RASA3: variants seen among roughly 807,000 people sequenced by gnomAD.
The protein encoded by RASA3 is RAS p21 protein activator 3.
RASA3 carries 73 observed loss-of-function variants against 110.0 expected under a neutral mutation model. That is an observed-to-expected ratio of 0.66 (90% CI 0.55 to 0.81). The LOEUF (loss-of-function observed/expected upper bound fraction) is 0.81, where lower values mean the gene tolerates loss of function less well. Among genes scored for constraint, RASA3 ranks in the 30% least tolerant of loss-of-function variants. RASA3 has a pLI of 0.00. For synonymous variants in RASA3, 500 were observed against 451.4 expected (o/e 1.11, Z -1.37); for missense variants, 976 against 1,113.2 (o/e 0.88, Z 1.75).
chr13:114,051,676 G>C (rs2079149387), intron 3 of RASA3, among the ~76,000 whole-genome samples: 1 of 138,616 alleles, frequency 7.2e-6, no homozygotes, highest in Non-Finnish European at 1.6e-5. Flanking sequence ...GACTAAAGTT[G>C]GGACAGGGAC....
intron 16 of RASA3, among the ~76,000 whole-genome samples, chr13:114,010,512 C>T (rs1397287256): frequency 6.6e-6 from 1 of 151,194 alleles, no homozygotes; most frequent in East Asian, 2.0e-4. Flanking sequence ...CTGGTGGCAC[C>T]AGATCCAGTC....
At chr13:114,024,665 C>G (rs561172314) in intron 7 of RASA3, among the ~76,000 whole-genome samples, 55 of 152,382 alleles carry the variant, frequency 3.6e-4, no homozygotes, top group African/African-American at 1.2e-3. Flanking sequence ...TGTCCGTCAC[C>G]TGCGCCTGCT....
At chr13:114,129,362 A>C (rs1216864658) in intron 1 of RASA3, among the ~76,000 whole-genome samples, 1 of 152,226 alleles carries the variant, frequency 6.6e-6, no homozygotes, top group African/African-American at 2.4e-5. Context: ...AAGACTCCAA[A>C]TTGTTACCAC....
chr13:114,061,594 T>C (rs2079349958), intron 2 of RASA3, among the ~76,000 whole-genome samples: 1 of 150,298 alleles, frequency 6.7e-6, no homozygotes, highest in East Asian at 1.9e-4. Context: ...GGAGAATCAC[T>C]TGAACCTGGG....
In RASA3 at chr13:114,041,124, C is replaced by T. The variant is rs7995748; in HGVS notation, c.278-30G>A. On this transcript the variant is annotated intron_variant, in intron 3 of 23. Coordinates refer to ENST00000334062, the MANE Select transcript of RASA3 (RefSeq NM_007368.4). Reference sequence around the variant, plus strand: ...AACACAAGCAGAGAAGACTTCACCACGGGCACAGGCCCCAGAGCCAGGACG... The same window carrying T: ...AACACAAGCAGAGAAGACTTCACCATGGGCACAGGCCCCAGAGCCAGGACG... 4.3e-4 allele frequency: 678 copies of T among 1,591,986 alleles called. 2 individuals carry two copies. In the African/African-American group the frequency reaches 6.9e-3, roughly 16 times the overall value.
intron 4 of RASA3, among the ~76,000 whole-genome samples, chr13:114,030,209 A>G (rs2139387139): frequency 6.6e-6 from 1 of 152,316 alleles, no homozygotes; most frequent in African/African-American, 2.4e-5. Context: ...AGACCCCCAA[A>G]GGCTCTGATG....
chr13:114,077,968 A>G, intron 1 of RASA3: 1 of 984,720 alleles, frequency 1.0e-6, no homozygotes, highest in Non-Finnish European at 1.2e-6. Flanking sequence ...TTTTGTTTCC[A>G]ACTGTTAATA....
intron 1 of RASA3, among the ~76,000 whole-genome samples, chr13:114,080,929 G>A (rs1422894386): frequency 3.3e-5 from 5 of 151,468 alleles, no homozygotes; most frequent in Non-Finnish European, 5.9e-5. Context: ...CGTCCACCTA[G>A]AACACCAATA....
chr13:114,032,262 G>A (rs573632181), intron 4 of RASA3, among the ~76,000 whole-genome samples: 4 of 152,282 alleles, frequency 2.6e-5, no homozygotes, highest in Non-Finnish European at 5.9e-5. Context: ...CAGGGGCCAG[G>A]AGGGGTCATG....
In RASA3 at chr13:114,112,631, G is replaced by T. The variant is rs554114942; in HGVS notation, c.55+19804C>A. ...TAGGAGAGCCCCGGGTTAAGGGTTG[G>T]TAACTGGAGAATGGGGTGGGGGTAT... On this transcript the variant is annotated intron_variant, in intron 1 of 23. Coordinates refer to ENST00000334062, the MANE Select transcript of RASA3 (RefSeq NM_007368.4). The surrounding 1 kb of genome is among the most constrained non-coding windows in gnomAD (Gnocchi z 4.8). Among the ~76,000 whole-genome samples the T allele has an allele frequency of 6.6e-6, 1 of 152,102 alleles. No homozygotes were observed. Among genetic ancestry groups the T allele is most frequent in the African/African-American group, 2.4e-5 (1 of 41,526 alleles).
intron 14 of RASA3, among the ~76,000 whole-genome samples, chr13:114,013,879 T>C (rs1229779314): frequency 1.6e-5 from 1 of 63,646 alleles, no homozygotes; most frequent in African/African-American, 1.2e-4. Context: ...TCTCTCCCTA[T>C]CTCTGTCTCT....
Position 114,015,323 on chromosome 13 carries a change from G to A in RASA3, c.1291C>T (p.Arg431Trp). The A allele has an allele frequency of 3.7e-6, 6 of 1,612,876 alleles. No individual in the cohort carries two copies. Among genetic ancestry groups the A allele is most frequent in the South Asian group, 2.2e-5 (2 of 91,090 alleles). ...ENLENNMENL[R>W]QYVDRVFHAI... ...TGGAAGACGCGGTCCACATACTGCC[G>A]TAGGTTCTCCTGCAACGGGACACGG... Residue 431 changes from arginine to tryptophan, a missense_variant, in exon 14 of 24, where the codon CGG becomes TGG. By Grantham distance (101) the Arg-to-Trp change is moderately radical. Coordinates refer to ENST00000334062, the MANE Select transcript of RASA3 (RefSeq NM_007368.4).
intron 8 of RASA3, among the ~76,000 whole-genome samples, chr13:114,023,227 A>AGGGACATCCCAGGCTCG (rs536486267): frequency 2.6e-5 from 4 of 151,872 alleles, no homozygotes; most frequent in South Asian, 2.1e-4. Flanking sequence ...TCCCAGGCTC[A>AGGGACATCCCAGGCTCG]GGGACATCCC....
At chr13:114,071,728 C>T (rs1231834399) in intron 2 of RASA3, among the ~76,000 whole-genome samples, 2 of 152,168 alleles carry the variant, frequency 1.3e-5, no homozygotes, top group Non-Finnish European at 2.9e-5. Context: ...TCTCACTCCT[C>T]GGCCTGGAGG....
At position 114,065,223 on chromosome 13, in the gene RASA3, T is replaced by G. The variant is rs1387195819; in HGVS notation, c.173+8497A>C. 5.9e-5 allele frequency among the ~76,000 whole-genome samples: 9 copies of G among 152,196 alleles called. No homozygotes were observed. Among genetic ancestry groups the G allele is most frequent in the African/African-American group, 2.2e-4 (9 of 41,446 alleles). ...CTCCTCCCTGAGTCACTTCCCAGCA[T>G]CTGCGCAAGGCTGGCGCTGCCCCAT... On this transcript the variant is annotated intron_variant, in intron 2 of 23. Transcript: ENST00000334062. The surrounding 1 kb of genome is among the most constrained non-coding windows in gnomAD (Gnocchi z 4.1).
Position 114,077,748 on chromosome 13 carries a change from CT to C in RASA3, c.56-3912del, listed in dbSNP as rs1200901444. The C allele has an allele frequency of 4.3e-6, 4 of 933,698 alleles. No individual in the cohort carries two copies. In the African/African-American group the frequency reaches 7.2e-5, roughly 17 times the overall value. 57.8% of individuals were successfully genotyped at this position (933,698 alleles called of 1,614,324 possible). A position where few individuals can be genotyped will look rare whatever the true frequency, so the allele number is the denominator to read the frequency against. ...TCCCTGCCCGATGATGCCCAGTCCC[CT>C]GGCCCCAAAACACACCAGGTTCCTC... On this transcript the variant is annotated intron_variant, in intron 1 of 23. Transcript: ENST00000334062.
At chr13:114,023,830 C>G (rs370998080) in intron 8 of RASA3, among the ~76,000 whole-genome samples, 259 of 152,328 alleles carry the variant, frequency 1.7e-3, no homozygotes, top group Non-Finnish European at 3.0e-3. Flanking sequence ...GTGTTTCACT[C>G]GAGTCAAAGG....
intron 1 of RASA3, among the ~76,000 whole-genome samples, chr13:114,109,053 G>A (rs2080180106): frequency 6.6e-6 from 1 of 152,120 alleles, no homozygotes; most frequent in South Asian, 2.1e-4. Context: ...CTCAAGCTGG[G>A]TCAAAACCCC....
chr13:113,997,615 G>A (rs2053285713), intron 20 of RASA3, among the ~76,000 whole-genome samples: 1 of 152,026 alleles, frequency 6.6e-6, no homozygotes, highest in African/African-American at 2.4e-5. Flanking sequence ...GGGGGTGCTG[G>A]GGCAGGGGGG....
Sources: gnomAD v4.1 joint callset for allele counts (sites outside exome capture counted in the v4.1 genomes callset) on GRCh38, gnomAD v4.1.1 for gene constraint, Gnocchi (gnomAD v3.1) non-coding constraint, MANE v1.5 for transcripts, NCBI Gene and HGNC (gene_info 2026-07-23, HGNC 2026-07-21) for gene names.